NUDCD3: variants seen among roughly 807,000 people sequenced by gnomAD.
NUDCD3 encodes the protein nudC domain-containing protein 3.
In NUDCD3, 13 loss-of-function variants were observed where a neutral mutation model predicts 39.7. The observed-to-expected ratio is 0.33, with a 90% CI of 0.21 to 0.52. The LOEUF (loss-of-function observed/expected upper bound fraction) is 0.52, where lower values mean the gene tolerates loss of function less well. Among genes scored for constraint, NUDCD3 ranks in the 20% least tolerant of loss-of-function variants. NUDCD3 has a pLI of 0.96. For missense variants in NUDCD3, 453 were observed against 458.1 expected (o/e 0.99, Z 0.10); for synonymous variants, 175 against 172.4 (o/e 1.02, Z -0.12).
intron 4 of NUDCD3, among the ~76,000 whole-genome samples, chr7:44,400,990 C>A (rs767015087): frequency 6.6e-6 from 1 of 152,220 alleles, no homozygotes; most frequent in Non-Finnish European, 1.5e-5. Flanking sequence ...AGTGCCTGCA[C>A]AGGGTTGGGT....
chr7:44,455,295 G>A (rs1414567799), intron 2 of NUDCD3, among the ~76,000 whole-genome samples: 1 of 152,040 alleles, frequency 6.6e-6, no homozygotes, highest in African/African-American at 2.4e-5. Context: ...AATACTTGGC[G>A]TGTGTATGGC....
chr7:44,386,651 T>C (rs1256315382), intron 5 of NUDCD3, among the ~76,000 whole-genome samples: 1 of 152,208 alleles, frequency 6.6e-6, no homozygotes, highest in African/African-American at 2.4e-5. Context: ...TGACCCAGGA[T>C]GTGGCACGGA....
intron 3 of NUDCD3, among the ~76,000 whole-genome samples, chr7:44,409,766 G>A (rs1017158055): frequency 5.3e-5 from 8 of 152,176 alleles, no homozygotes; most frequent in African/African-American, 1.9e-4. Context: ...TGGGAATAAC[G>A]TCTTTTAAGT....
chr7:44,462,871 G>A (rs1025381849), intron 2 of NUDCD3, among the ~76,000 whole-genome samples: 3 of 151,908 alleles, frequency 2.0e-5, no homozygotes, highest in African/African-American at 7.3e-5. Flanking sequence ...AAATGTAATT[G>A]CCTTTTTGAA....
rs1261601495 is a variant in NUDCD3 at position 44,404,456 on chromosome 7, G to T, written c.770C>A (p.Pro257His). The change falls in exon 4 of 6, where the codon CCC becomes CAC. Residue 257 changes from proline to histidine, a missense_variant. Coordinates refer to ENST00000355451, the MANE Select transcript of NUDCD3 (RefSeq NM_015332.4). ...NTESSLWSLE[P>H]GKCVLVNLSK... The stretch of plus-strand genomic sequence containing the variant: ...CAAACTTACCAAAACGCACTTCCCG[G>T]GCTCGAGACTCCAGAGAGAACTCTC... 1.6e-5 allele frequency: 26 copies of T among 1,614,070 alleles called. No individual in the cohort carries two copies. The highest frequency in any genetic ancestry group is 2.2e-5 in the Non-Finnish European group (26 of 1,179,950).
At chr7:44,438,154 G>A (rs1246990722) in intron 2 of NUDCD3, among the ~76,000 whole-genome samples, 2 of 152,046 alleles carry the variant, frequency 1.3e-5, no homozygotes, top group Non-Finnish European at 2.9e-5. Flanking sequence ...GCAGGAGTTC[G>A]AGATCAGCCT....
Position 44,490,425 on chromosome 7 carries a change from T to G in NUDCD3, c.176A>C (p.Gln59Pro). 1 of 1,574,122 alleles carries G rather than the reference T, an allele frequency of 6.4e-7. No individual in the cohort carries two copies. The highest frequency in any genetic ancestry group is 8.6e-7 in the Non-Finnish European group (1 of 1,160,996). ...DRMGFPPGAAQALVLQVFKTF... is the reference protein window; with the variant it reads ...DRMGFPPGAAPALVLQVFKTF... ...CCGCCTCACCTGCAGCACCAAGGCC[T>G]GCGCGGCCCCGGGCGGGAAGCCCAT... The change falls in exon 1 of 6, where the codon CAG becomes CCG. Residue 59 changes from glutamine to proline, a missense_variant. Gln to Pro is a moderately conservative substitution (Grantham distance 76, BLOSUM62 -1). Coordinates refer to ENST00000355451, the MANE Select transcript of NUDCD3 (RefSeq NM_015332.4).
chr7:44,488,847 C>T (rs1800672868), intron 1 of NUDCD3, among the ~76,000 whole-genome samples: 2 of 152,290 alleles, frequency 1.3e-5, no homozygotes, highest in Admixed American at 6.5e-5. Flanking sequence ...AAATGAGTTA[C>T]CAGGTTAATG....
chr7:44,438,006 A>C (rs532907688), intron 2 of NUDCD3, among the ~76,000 whole-genome samples: 1 of 152,176 alleles, frequency 6.6e-6, no homozygotes, highest in African/African-American at 2.4e-5. Context: ...TTAAGTGTGA[A>C]ATATATATTT....
At chr7:44,485,348 G>GA (rs1214721499) in intron 1 of NUDCD3, 64 bp from the exon 2 acceptor site, 1 of 1,352,286 alleles carries the variant, frequency 7.4e-7, no homozygotes, top group African/African-American at 1.5e-5. Flanking sequence ...ATATCTTGTA[G>GA]AAATGTCGTA....
At chr7:44,490,102 G>A in intron 1 of NUDCD3, 1 of 291,152 alleles carries the variant, frequency 3.4e-6, no homozygotes, top group South Asian at 6.4e-5. Flanking sequence ...TGTCTGGCCT[G>A]CATGGATTTC....
intron 2 of NUDCD3, among the ~76,000 whole-genome samples, chr7:44,430,770 A>G (rs539886428): frequency 1.5e-3 from 235 of 152,330 alleles, no homozygotes; most frequent in African/African-American, 5.5e-3. Context: ...CACTTGGCCT[A>G]TACCACCAGT....
intron 4 of NUDCD3, among the ~76,000 whole-genome samples, chr7:44,401,456 A>G (rs1798724868): frequency 6.6e-6 from 1 of 152,196 alleles, no homozygotes; most frequent in Admixed American, 6.5e-5. Context: ...TGGTCCAGAA[A>G]GAGGTGGAGG....
intron 2 of NUDCD3, chr7:44,484,614 T>C (rs1009151770): frequency 4.9e-6 from 1 of 204,180 alleles, no homozygotes; most frequent in Non-Finnish European, 1.0e-5. Flanking sequence ...GAGCAAATCC[T>C]AGCAGTGCTC....
chr7:44,455,146 C>G (rs1252104701), intron 2 of NUDCD3, among the ~76,000 whole-genome samples: 2 of 151,990 alleles, frequency 1.3e-5, no homozygotes, highest in Non-Finnish European at 2.9e-5. Flanking sequence ...TGCTGACTCC[C>G]AAATCAAGTT....
At chr7:44,407,029 C>A (rs917099618) in intron 3 of NUDCD3, among the ~76,000 whole-genome samples, 3 of 152,052 alleles carry the variant, frequency 2.0e-5, no homozygotes, top group Non-Finnish European at 4.4e-5. Flanking sequence ...GAATGGAGGA[C>A]CTTGCTCCAA....
In NUDCD3 at chr7:44,411,709, C is replaced by A. The variant is rs576542111; in HGVS notation, c.643-7126G>T. ...TGGATCTGTAAAATATAAAATGGTA[C>A]AACCACTTTGGAAAACTGTTTGACA... On this transcript the variant is annotated intron_variant, in intron 3 of 5. Transcript: ENST00000355451. 7.9e-5 allele frequency among the ~76,000 whole-genome samples: 12 copies of A among 152,330 alleles called. 1 individual carries two copies. In the South Asian group the frequency reaches 2.5e-3, roughly 32 times the overall value.
chr7:44,463,649 A>G (rs1800060418), intron 2 of NUDCD3, among the ~76,000 whole-genome samples: 1 of 152,176 alleles, frequency 6.6e-6, no homozygotes, highest in Admixed American at 6.5e-5. Context: ...TACACTCATA[A>G]GAATCAACCA....
intron 2 of NUDCD3, among the ~76,000 whole-genome samples, chr7:44,480,669 T>A (rs1376065987): frequency 6.6e-6 from 1 of 152,102 alleles, no homozygotes; most frequent in Admixed American, 6.5e-5. Flanking sequence ...TGGCCAGGCA[T>A]GGTGCCTCAC....
Sources: allele counts gnomAD v4.1 joint callset (sites outside exome capture counted in the v4.1 genomes callset), GRCh38; gene constraint gnomAD v4.1.1; transcripts MANE v1.5; gene names NCBI Gene and HGNC (gene_info 2026-07-23, HGNC 2026-07-21).